Variants in AUH observed in about 807,000 individuals in gnomAD.
AUH encodes the protein AU RNA binding methylglutaconyl-CoA hydratase.
In AUH, 29 loss-of-function variants were observed where a neutral mutation model predicts 42.3. That is an observed-to-expected ratio of 0.69 (90% confidence interval 0.51 to 0.93). The LOEUF (loss-of-function observed/expected upper bound fraction) is 0.93. Among genes scored for constraint, AUH ranks in the 40% least tolerant of loss-of-function variants. The pLI is 0.00. For missense variants in AUH, 452 were observed against 438.1 expected, an observed-to-expected ratio of 1.03 and a Z score of -0.28; for synonymous variants, 174 against 166.4, an observed-to-expected ratio of 1.05 and a Z score of -0.35.
intron 6 of AUH, among the ~76,000 whole-genome samples, chr9:91,277,003 A>G (rs924090553): frequency 3.3e-5 from 5 of 152,094 alleles, no homozygotes; most frequent in African/African-American, 1.2e-4. Flanking sequence ...TGGGCAATAT[A>G]GCAAGACACT....
At chr9:91,276,538 CA>C (rs1825559325) in intron 6 of AUH, among the ~76,000 whole-genome samples, 1 of 151,966 alleles carries the variant, frequency 6.6e-6, no homozygotes, top group Non-Finnish European at 1.5e-5. Context: ...ACTCTTTTTC[CA>C]AACAATAACA....
intron 3 of AUH, among the ~76,000 whole-genome samples, chr9:91,353,145 G>A (rs564643201): frequency 2.0e-5 from 3 of 151,810 alleles, no homozygotes; most frequent in Non-Finnish European, 4.4e-5. Context: ...GGAATGAGGT[G>A]GCGTCATCTC....
Position 91,313,599 on chromosome 9 carries a change from G to C in AUH, c.505+11719C>G, listed in dbSNP as rs547324197. Reference sequence around the variant, plus strand: ...GGGCGCCTGTAGTCCCAGCTACTTGGGAGGCTGAGGCAGGAGAATGGCGTG... The same window carrying C: ...GGGCGCCTGTAGTCCCAGCTACTTGCGAGGCTGAGGCAGGAGAATGGCGTG... On this transcript the variant is annotated intron_variant, in intron 4 of 9. Transcript: ENST00000375731. Among the ~76,000 whole-genome samples, 13 of 151,720 alleles carry C rather than the reference G, an allele frequency of 8.6e-5. No homozygotes were observed. The East Asian group carries it at 2.6e-3, about 30-fold the overall frequency.
intron 4 of AUH, among the ~76,000 whole-genome samples, chr9:91,317,672 C>T (rs943471295): frequency 3.3e-5 from 5 of 152,182 alleles, no homozygotes; most frequent in African/African-American, 1.2e-4. Context: ...CCAGGATTTA[C>T]AGAATAATAT....
At chr9:91,283,949 T>TAGAAAAAACTACTTTA (rs1826188134) in intron 6 of AUH, among the ~76,000 whole-genome samples, 1 of 151,552 alleles carries the variant, frequency 6.6e-6, no homozygotes, top group Admixed American at 6.6e-5. Context: ...TCCACAGAAT[T>TAGAAAAAACTACTTTA]AGAAAAAACT....
chr9:91,226,180 G>A (rs1827462377), intron 6 of AUH, among the ~76,000 whole-genome samples: 1 of 151,226 alleles, frequency 6.6e-6, no homozygotes, highest in African/African-American at 2.4e-5. Context: ...GTGTAAAAGT[G>A]TTCCCATTTC....
intron 3 of AUH, 41 bp downstream of exon 3, chr9:91,355,842 C>A (rs746110426): frequency 3.9e-6 from 6 of 1,548,170 alleles, no homozygotes; most frequent in Non-Finnish European, 5.4e-6. Flanking sequence ...GAGGAAAAAT[C>A]AGACTACAGT....
In AUH at chr9:91,214,115, GATTCTGTTTCTGACT is replaced by G; in HGVS notation, c.*218_*232del. The G allele has an allele frequency of 2.2e-6, 1 of 454,774 alleles. No individual in the cohort carries two copies. The highest frequency in any genetic ancestry group is 2.9e-5 in the South Asian group (1 of 34,868). 28.2% of individuals were successfully genotyped at this position (454,774 alleles called of 1,614,324 possible). A position where few individuals can be genotyped will look rare whatever the true frequency, so the allele number is the denominator to read the frequency against. On this transcript the variant is annotated 3_prime_UTR_variant, in exon 10 of 10. Coordinates refer to ENST00000375731, the MANE Select transcript of AUH (RefSeq NM_001698.3). ...TATTTAAAAATGTATATCTAACTTT[GATTCTGTTTCTGACT>G]ATACACTACTAGCTTTATAAATCTG... is the stretch of plus-strand genomic sequence containing the variant.
At chr9:91,324,238 C>G (rs1182508741) in intron 4 of AUH, among the ~76,000 whole-genome samples, 1 of 152,070 alleles carries the variant, frequency 6.6e-6, no homozygotes, top group African/African-American at 2.4e-5. Context: ...TAATGTGGCT[C>G]ATGCATGTAA....
At chr9:91,220,644 G>A (rs1827077156) in intron 7 of AUH, among the ~76,000 whole-genome samples, 161 bp downstream of exon 7, 1 of 152,180 alleles carries the variant, frequency 6.6e-6, no homozygotes, top group African/African-American at 2.4e-5. Context: ...GGATCATAGT[G>A]TTTATCTTGT....
At chr9:91,348,286 G>A (rs181138341) in intron 3 of AUH, among the ~76,000 whole-genome samples, 4 of 152,246 alleles carry the variant, frequency 2.6e-5, no homozygotes, top group Non-Finnish European at 4.4e-5. Context: ...CATGTGGAAC[G>A]CCTGAAACTC....
chr9:91,357,730 G>A (rs1011469570), intron 1 of AUH, among the ~76,000 whole-genome samples: 3 of 152,110 alleles, frequency 2.0e-5, no homozygotes, highest in Non-Finnish European at 2.9e-5. Flanking sequence ...TGAGAGTGAA[G>A]GAGAGGGGCT....
chr9:91,325,597 T>C (rs1286882387), intron 3 of AUH, among the ~76,000 whole-genome samples, 193 bp from the exon 4 acceptor site: 5 of 152,192 alleles, frequency 3.3e-5, no homozygotes, highest in Non-Finnish European at 5.9e-5. Context: ...TATTCATACG[T>C]CTACCATGTG....
chr9:91,230,052 G>A (rs1176302493), intron 6 of AUH, among the ~76,000 whole-genome samples: 10 of 151,044 alleles, frequency 6.6e-5, no homozygotes, highest in Admixed American at 1.3e-4. Flanking sequence ...TGCTCTTCTC[G>A]AGGAGTATCT....
chr9:91,333,837 T>A (rs776982526), intron 3 of AUH, among the ~76,000 whole-genome samples: 2 of 152,230 alleles, frequency 1.3e-5, no homozygotes, highest in Admixed American at 6.5e-5. Flanking sequence ...GAATCTCAGC[T>A]GAAATTCTCA....
At chr9:91,250,569 C>T (rs150856256) in intron 6 of AUH, among the ~76,000 whole-genome samples, 1 of 152,162 alleles carries the variant, frequency 6.6e-6, no homozygotes, top group African/African-American at 2.4e-5. Flanking sequence ...TAAATCACTA[C>T]AGAGTATTTT....
intron 6 of AUH, among the ~76,000 whole-genome samples, chr9:91,273,748 G>A (rs1825339890): frequency 2.0e-5 from 3 of 152,276 alleles, no homozygotes. Context: ...CCCCAAACCA[G>A]GCATTGGCAG....
chr9:91,273,223 A>G (rs1033380458), intron 6 of AUH, among the ~76,000 whole-genome samples: 1 of 152,124 alleles, frequency 6.6e-6, no homozygotes, highest in African/African-American at 2.4e-5. Context: ...AGCTGCTGAA[A>G]CTCAGCAGGG....
At chr9:91,232,926 T>C (rs76379507) in intron 6 of AUH, among the ~76,000 whole-genome samples, 31,644 of 152,144 alleles carry the variant, frequency 0.21, 3,506 homozygotes, top group East Asian at 0.27. Context: ...AAGTAAGTAA[T>C]TGCAATCATC....
Sources: allele counts gnomAD v4.1 joint callset (sites outside exome capture counted in the v4.1 genomes callset), GRCh38; gene constraint gnomAD v4.1.1; transcripts MANE v1.5; gene names NCBI Gene and HGNC (gene_info 2026-07-23, HGNC 2026-07-21).